The following C4orf50 variants were observed in gnomAD, a reference collection of about 807,000 sequenced individuals.
C4orf50 encodes the protein uncharacterized protein C4orf50.
Under a neutral mutation model 77.2 loss-of-function variants are expected in C4orf50, and 80 were observed. The ratio of observed to expected loss-of-function variants is 1.04; its 90% confidence interval spans 0.87 to 1.25. C4orf50 has a LOEUF of 1.25. C4orf50 is among the 50% of genes most tolerant of loss of function. The pLI is 0.00. For missense variants in C4orf50, 1,257 were observed against 1,152.9 expected (o/e 1.09, Z -1.31); for synonymous variants, 532 against 465.3 (o/e 1.14, Z -1.84).
intron 7 of C4orf50, among the ~76,000 whole-genome samples, chr4:5,912,256 CGTGTGT>C (rs58017259): frequency 0.36 from 52,976 of 146,224 alleles, 11,501 homozygotes; most frequent in East Asian, 0.68. Context: ...GCACTCCACT[CGTGTGT>C]GTGTGTGTGT....
intron 25 of C4orf50, among the ~76,000 whole-genome samples, chr4:6,004,203 G>GTGATGATGTGATGGTGA (rs1314723831): frequency 1.1e-5 from 1 of 94,624 alleles, no homozygotes; most frequent in Non-Finnish European, 2.4e-5. Flanking sequence ...GATGGTGATG[G>GTGATGATGTGATGGTGA]TGATGATGGT....
chr4:5,909,853 C>G (rs1716722593), intron 7 of C4orf50, among the ~76,000 whole-genome samples: 1 of 152,144 alleles, frequency 6.6e-6, no homozygotes, highest in African/African-American at 2.4e-5. Context: ...CTATTCTGTT[C>G]CATTGATCTA....
exon 34 of C4orf50, chr4:5,959,353 C>T (rs372712935): frequency 9.3e-6 from 15 of 1,606,102 alleles, no homozygotes; most frequent in East Asian, 2.2e-5. Flanking sequence ...TATGAAATGG[C>T]TCCGGAGAAT....
At chr4:5,987,092 A>T (rs1397680315) in intron 28 of C4orf50, among the ~76,000 whole-genome samples, 1 of 152,120 alleles carries the variant, frequency 6.6e-6, no homozygotes, top group Non-Finnish European at 1.5e-5. Flanking sequence ...AGAACAGCAA[A>T]TTAAATCAAA....
Position 5,988,518 on chromosome 4 carries a change from A to T in C4orf50, c.3528T>A (p.Ala1176=), listed in dbSNP as rs1262244585. Reference sequence around the variant, plus strand: ...AGACCAGCGATGGAGGGGGAGAATCAGCACCGCGTCTGGAATTCCCGGTGC... The same window carrying T: ...AGACCAGCGATGGAGGGGGAGAATCTGCACCGCGTCTGGAATTCCCGGTGC... The change falls in exon 28 of 34, where the codon GCT becomes GCA. Residue 1176 remains alanine, a synonymous_variant. Transcript: ENST00000531445. The T allele has an allele frequency of 2.6e-6, 4 of 1,538,568 alleles. No homozygotes were observed. The Admixed American group carries it at 7.8e-5, about 30-fold the overall frequency.
chr4:6,001,281 C>T (rs1057505912), intron 25 of C4orf50, among the ~76,000 whole-genome samples: 4 of 152,196 alleles, frequency 2.6e-5, no homozygotes, highest in African/African-American at 7.2e-5. Context: ...TCCCGAGTAG[C>T]TGGGATTACA....
chr4:5,996,753 G>T (rs903891079), intron 25 of C4orf50, among the ~76,000 whole-genome samples: 1 of 152,202 alleles, frequency 6.6e-6, no homozygotes, highest in African/African-American at 2.4e-5. Context: ...ACAAGAACCA[G>T]TGCAGGAGCC....
rs1717153692 is a variant in C4orf50 at position 5,919,026 on chromosome 4, T to G, written c.*2475-20838A>C. ...TGAGACCCGGAGGAGTCAAAGGGCTTGCCCAAGTCTCGGTGCTTCTCAAGA... is the reference window on the plus strand; with the variant it reads ...TGAGACCCGGAGGAGTCAAAGGGCTGGCCCAAGTCTCGGTGCTTCTCAAGA... On this transcript the variant is annotated intron_variant, in intron 7 of 7. Coordinates refer to the C4orf50 transcript ENST00000324058. The surrounding 1 kb of genome is among the most constrained non-coding windows in gnomAD (Gnocchi z 6.5). 6.6e-6 allele frequency among the ~76,000 whole-genome samples: 1 copy of G among 152,160 alleles called. No homozygotes were observed. The highest frequency in any genetic ancestry group is 2.4e-5 in the African/African-American group (1 of 41,462).
rs147420484 is a variant in C4orf50 at position 5,988,409 on chromosome 4, TCTC to T, written c.3634_3636del (p.Glu1212del). Reference sequence around the variant, plus strand: ...TGAGCCACAGAACACCTGGGCCTCTTCTCCTCTTTCTCCAAATGTGCTTCTTTC... The same window carrying T: ...TGAGCCACAGAACACCTGGGCCTCTTCTCTTTCTCCAAATGTGCTTCTTTC... On this transcript the variant is annotated inframe_deletion, in exon 28 of 34. Coordinates refer to ENST00000531445, the Ensembl canonical transcript of C4orf50. The T allele has an allele frequency of 7.3e-4, 1,179 of 1,612,354 alleles. 11 individuals carry two copies. The African/African-American group carries it at 0.014, about 19-fold the overall frequency.
At chr4:5,979,710 T>G (rs576890948) in intron 29 of C4orf50, among the ~76,000 whole-genome samples, 1 of 152,384 alleles carries the variant, frequency 6.6e-6, no homozygotes, top group East Asian at 1.9e-4. Flanking sequence ...GTGGGAATAT[T>G]TTGCAAAACT....
At chr4:5,952,448 C>A (rs760451271), downstream of C4orf50, among the ~76,000 whole-genome samples, 5 of 152,174 alleles carry the variant, frequency 3.3e-5, no homozygotes, top group African/African-American at 7.2e-5. This position sits in a 1 kb window ranked among gnomAD's most constrained non-coding sequence, Gnocchi z 4.4. Context: ...GGGAGCAGGG[C>A]GAAGCGCATG....
intron 32 of C4orf50, among the ~76,000 whole-genome samples, chr4:5,965,784 G>A (rs898917368): frequency 6.6e-5 from 10 of 152,208 alleles, no homozygotes; most frequent in Non-Finnish European, 1.5e-5. Flanking sequence ...ATCCTGCTAT[G>A]TGCCAGGGTC....
intron 7 of C4orf50, chr4:5,904,911 C>T (rs1249515307): frequency 2.0e-5 from 3 of 152,152 alleles, no homozygotes; most frequent in Non-Finnish European, 4.4e-5. Context: ...ATCAATGAGT[C>T]CTTATGGCAG....
chr4:5,989,156 C>CTG lies in C4orf50; in HGVS notation c.2889_2890insCA (p.Glu964GlnfsTer7). On this transcript the variant is annotated frameshift_variant, in exon 28 of 34. Coordinates refer to ENST00000531445, the Ensembl canonical transcript of C4orf50. LOFTEE classifies it high-confidence loss of function. ...ATTTTTGTCACCTCTCTCTCTCTCT[C>CTG]TCTTTCAAGGGCGCACACTCTTTCA... 1 of 1,535,810 alleles carries CTG rather than the reference C, an allele frequency of 6.5e-7. No individual in the cohort carries two copies. Among genetic ancestry groups the CTG allele is most frequent in the African/African-American group, 1.4e-5 (1 of 73,018 alleles).
intron 7 of C4orf50, among the ~76,000 whole-genome samples, chr4:5,945,171 C>G (rs1718430795): frequency 6.6e-6 from 1 of 152,208 alleles, no homozygotes. Flanking sequence ...TCCTCCGAGC[C>G]CCCCAGTCCC....
chr4:5,961,279 C>T (rs1050358866), intron 33 of C4orf50, among the ~76,000 whole-genome samples: 6 of 152,176 alleles, frequency 3.9e-5, no homozygotes, highest in African/African-American at 1.2e-4. Flanking sequence ...CGTGCCTCTG[C>T]ACGCCAGCCT....
chr4:6,014,347 G>A (rs750544099), intron 23 of C4orf50, among the ~76,000 whole-genome samples: 15 of 152,146 alleles, frequency 9.9e-5, no homozygotes, highest in Admixed American at 2.0e-4. Context: ...TCAAGCCTGT[G>A]AACAGTGGCT....
exon 28 of C4orf50, chr4:5,988,946 C>T (rs1721078176): frequency 6.5e-7 from 1 of 1,535,992 alleles, no homozygotes; most frequent in Admixed American, 2.0e-5. Flanking sequence ...TCAGACGTGG[C>T]TTTCTGGAGT....
chr4:5,975,565 G>C (rs1269568414), intron 30 of C4orf50, among the ~76,000 whole-genome samples: 1 of 152,164 alleles, frequency 6.6e-6, no homozygotes, highest in Non-Finnish European at 1.5e-5. Flanking sequence ...AAGCTGGAGA[G>C]CAGTGACGTG....
Sources: gnomAD v4.1 joint callset for allele counts (sites outside exome capture counted in the v4.1 genomes callset) on GRCh38, gnomAD v4.1.1 for gene constraint, Gnocchi (gnomAD v3.1) non-coding constraint, MANE v1.5 for transcripts, NCBI Gene and HGNC (gene_info 2026-07-23, HGNC 2026-07-21) for gene names.